Variants in ARHGAP24 observed in about 807,000 individuals in gnomAD.
ARHGAP24 encodes rho GTPase-activating protein 24.
ARHGAP24 carries 50 observed loss-of-function variants against 76.4 expected under a neutral mutation model. That is an observed-to-expected ratio of 0.65 (90% CI 0.52 to 0.83). The LOEUF (loss-of-function observed/expected upper bound fraction) is 0.83, where lower values mean the gene tolerates loss of function less well. ARHGAP24 is among the 40% of genes least tolerant of loss of function. The pLI is 0.00. For synonymous variants in ARHGAP24, 345 were observed against 323.3 expected (o/e 1.07, Z -0.72); for missense variants, 930 against 914.2 (o/e 1.02, Z -0.22).
intron 3 of ARHGAP24, among the ~76,000 whole-genome samples, chr4:85,840,986 A>G (rs1280453589): frequency 2.0e-5 from 3 of 152,220 alleles, no homozygotes; most frequent in Non-Finnish European, 4.4e-5. Flanking sequence ...AAATGGAAAC[A>G]TTGAAGTAGG....
At chr4:85,764,343 C>A (rs1430994360) in intron 3 of ARHGAP24, among the ~76,000 whole-genome samples, 1 of 151,928 alleles carries the variant, frequency 6.6e-6, no homozygotes, top group Non-Finnish European at 1.5e-5. Flanking sequence ...ATCATCAATG[C>A]GTTAAAAGGA....
intron 8 of ARHGAP24, among the ~76,000 whole-genome samples, chr4:85,982,225 T>C (rs1239908074): frequency 6.6e-6 from 1 of 152,020 alleles, no homozygotes. Flanking sequence ...GTTGCAAATC[T>C]TGTTATTTGA....
chr4:85,611,259 T>C (rs759580048), intron 2 of ARHGAP24, among the ~76,000 whole-genome samples: 1 of 152,162 alleles, frequency 6.6e-6, no homozygotes, highest in Non-Finnish European at 1.5e-5. Flanking sequence ...TAAAAAAACC[T>C]TTGCTTCCTA....
chr4:85,742,603 A>G lies in ARHGAP24; in HGVS notation c.268+20631A>G, dbSNP rs978176742. Among the ~76,000 whole-genome samples the G allele has an allele frequency of 2.0e-5, 3 of 152,238 alleles. No homozygotes were observed. In the South Asian group the frequency reaches 6.2e-4, roughly 31 times the overall value. ...AGAAGGTGTTAGGTCAATTTCCACA[A>G]TAATGCCATTAAAATCGGTTCTTTG... On this transcript the variant is annotated intron_variant, in intron 3 of 9. Transcript: ENST00000395184.
intron 2 of ARHGAP24, among the ~76,000 whole-genome samples, chr4:85,597,131 G>A (rs374389688): frequency 1.3e-5 from 2 of 151,958 alleles, no homozygotes; most frequent in Non-Finnish European, 2.9e-5. Flanking sequence ...GTAGACATGT[G>A]TTACTTTCAT....
chr4:85,585,412 C>G (rs139026080), intron 2 of ARHGAP24, among the ~76,000 whole-genome samples: 2 of 152,156 alleles, frequency 1.3e-5, no homozygotes, highest in Non-Finnish European at 2.9e-5. Context: ...CTGCCTCTGG[C>G]ACTCACCACT....
chr4:85,722,720 A>G (rs1042828521), intron 3 of ARHGAP24, among the ~76,000 whole-genome samples: 2 of 152,242 alleles, frequency 1.3e-5, no homozygotes, highest in Non-Finnish European at 2.9e-5. Context: ...TTATCCCTCA[A>G]TGTAAGAAAA....
At chr4:85,582,091 A>G (rs1311885647) in intron 2 of ARHGAP24, among the ~76,000 whole-genome samples, 1 of 152,158 alleles carries the variant, frequency 6.6e-6, no homozygotes, top group Non-Finnish European at 1.5e-5. Context: ...TTCCCAAGTC[A>G]TTGAATTTGC....
chr4:85,558,938 A>G (rs1272310161), intron 1 of ARHGAP24, among the ~76,000 whole-genome samples: 1 of 152,260 alleles, frequency 6.6e-6, no homozygotes, highest in African/African-American at 2.4e-5. Context: ...GCAATCAACA[A>G]CATTTGATTC....
At chr4:85,785,269 C>G (rs1358238649) in intron 3 of ARHGAP24, among the ~76,000 whole-genome samples, 3 of 152,140 alleles carry the variant, frequency 2.0e-5, no homozygotes, top group Non-Finnish European at 2.9e-5. Context: ...TCTGTTTGTA[C>G]TAGACATTAT....
chr4:85,748,278 G>T (rs1476957283), intron 3 of ARHGAP24, among the ~76,000 whole-genome samples: 1 of 152,178 alleles, frequency 6.6e-6, no homozygotes, highest in African/African-American at 2.4e-5. Flanking sequence ...GGTATTAATA[G>T]CTCTTAAAAG....
At chr4:85,734,430 C>G (rs1340819973) in intron 3 of ARHGAP24, among the ~76,000 whole-genome samples, 1 of 152,054 alleles carries the variant, frequency 6.6e-6, no homozygotes, top group East Asian at 1.9e-4. Context: ...AAAAGTGGTA[C>G]ACCAATGCTT....
At chr4:85,576,743 A>G (rs888047530) in intron 2 of ARHGAP24, among the ~76,000 whole-genome samples, 7 of 152,216 alleles carry the variant, frequency 4.6e-5, no homozygotes, top group African/African-American at 1.7e-4. Context: ...TATTATTCAT[A>G]TAAAATATTA....
chr4:85,701,776 T>C (rs370039693), intron 2 of ARHGAP24, among the ~76,000 whole-genome samples: 278 of 152,242 alleles, frequency 1.8e-3, no homozygotes, highest in African/African-American at 6.2e-3. Flanking sequence ...GTTAGTGACA[T>C]CAAGATTCAT....
At chr4:85,827,911 T>C in intron 3 of ARHGAP24, 2 of 1,289,788 alleles carry the variant, frequency 1.6e-6, no homozygotes, top group South Asian at 1.2e-5. Flanking sequence ...GCAGCTGCTC[T>C]GTCTCCCAGC....
chr4:85,562,018 A>C (rs1726619607), intron 1 of ARHGAP24, among the ~76,000 whole-genome samples: 1 of 152,204 alleles, frequency 6.6e-6, no homozygotes, highest in Non-Finnish European at 1.5e-5. Context: ...CTGAGAATTG[A>C]ATGGTGAGAA....
At chr4:85,888,532 T>G (rs1733701457) in intron 3 of ARHGAP24, among the ~76,000 whole-genome samples, 1 of 152,190 alleles carries the variant, frequency 6.6e-6, no homozygotes, top group Non-Finnish European at 1.5e-5. Context: ...CAAAAAAGTT[T>G]AAACTCTGTT....
chr4:85,936,973 A>G (rs1436191770), intron 4 of ARHGAP24, among the ~76,000 whole-genome samples: 1 of 152,190 alleles, frequency 6.6e-6, no homozygotes, highest in Non-Finnish European at 1.5e-5. Flanking sequence ...TGTTGACTGA[A>G]TGGAAGATGA....
Position 85,831,479 on chromosome 4 carries a change from A to G in ARHGAP24, c.269-92169A>G, listed in dbSNP as rs181160571. The stretch of plus-strand genomic sequence containing the variant: ...AGATTGGCATGCTTTAAATATTTTT[A>G]TGATAAAGTATAAAACCAACTGGAG... On this transcript the variant is annotated intron_variant, in intron 3 of 9. Transcript: ENST00000395184. Among the ~76,000 whole-genome samples, 1,270 of 152,320 alleles carry G rather than the reference A, an allele frequency of 8.3e-3. 13 individuals are homozygous for G. The highest frequency in any genetic ancestry group is 0.029 in the African/African-American group (1,222 of 41,564).
Sources: gnomAD v4.1 joint callset for allele counts (sites outside exome capture counted in the v4.1 genomes callset) on GRCh38, gnomAD v4.1.1 for gene constraint, MANE v1.5 for transcripts, NCBI Gene and HGNC (gene_info 2026-07-23, HGNC 2026-07-21) for gene names.